Variants in KIAA0319L observed in about 807,000 individuals in gnomAD.
KIAA0319L encodes the protein KIAA0319 like.
A neutral mutation model predicts 120.1 loss-of-function variants in KIAA0319L; 55 were observed. The observed-to-expected ratio is 0.46, with a 90% CI of 0.37 to 0.57. The LOEUF is 0.57. KIAA0319L is among the 20% of genes least tolerant of loss of function. The pLI, the probability that KIAA0319L is intolerant of heterozygous loss-of-function variation, is 0.00. For missense variants in KIAA0319L, 1,049 were observed against 1,255.3 expected (o/e 0.84, Z 2.48); for synonymous variants, 398 against 471.9 (o/e 0.84, Z 2.03).
rs1647193319 is a variant in KIAA0319L, at chr1:35,551,402, C to T, written c.142+2948G>A. ...GTGCGGTCTTGATTCACTGCAACCCCCGCCTCCCGGGTTCAAGCGATTCTC... is the reference window on the plus strand; with the variant it reads ...GTGCGGTCTTGATTCACTGCAACCCTCGCCTCCCGGGTTCAAGCGATTCTC... On this transcript the variant is annotated intron_variant, in intron 2 of 20. Transcript: ENST00000325722. 2.0e-5 allele frequency among the ~76,000 whole-genome samples: 3 copies of T among 152,134 alleles called. No homozygotes were observed. The South Asian group carries it at 6.2e-4, about 32-fold the overall frequency.
At chr1:35,518,823 G>A (rs1215805346) in intron 2 of KIAA0319L, among the ~76,000 whole-genome samples, 1 of 152,020 alleles carries the variant, frequency 6.6e-6, no homozygotes, top group African/African-American at 2.4e-5. Flanking sequence ...AGCCAACATA[G>A]TGAAACCTTG....
intron 2 of KIAA0319L, among the ~76,000 whole-genome samples, chr1:35,513,756 C>T (rs2148422437): frequency 6.6e-6 from 1 of 152,224 alleles, no homozygotes; most frequent in East Asian, 1.9e-4. Flanking sequence ...ATTTGTATTT[C>T]TTAAAAGCAG....
At chr1:35,477,044 C>T (rs1024158957) in intron 4 of KIAA0319L, among the ~76,000 whole-genome samples, 1 of 152,178 alleles carries the variant, frequency 6.6e-6, no homozygotes, top group Admixed American at 6.5e-5. Context: ...TTGAGTAATA[C>T]CCCACAAGGA....
chr1:35,466,721 A>G, intron 6 of KIAA0319L, 26 bp from the exon 7 acceptor site: 1 of 1,448,272 alleles, frequency 6.9e-7, no homozygotes, highest in Non-Finnish European at 9.7e-7. Flanking sequence ...AAGATCTCTT[A>G]GACAATCACA....
At chr1:35,551,844 C>A (rs1647222332) in intron 2 of KIAA0319L, among the ~76,000 whole-genome samples, 1 of 152,130 alleles carries the variant, frequency 6.6e-6, no homozygotes, top group South Asian at 2.1e-4. Context: ...CTAACACCAC[C>A]ACCTTTGCAC....
At position 35,488,356 on chromosome 1, in the gene KIAA0319L, T is replaced by C. The variant is rs1027259261; in HGVS notation, c.667-9144A>G. On this transcript the variant is annotated intron_variant, in intron 3 of 20. Transcript: ENST00000325722. ...GAATCTAATATTTATGGAGCTGTAA[T>C]AGATCTGGGGTTTGGGGAAGAGTCT... 3.3e-5 allele frequency among the ~76,000 whole-genome samples: 5 copies of C among 152,176 alleles called. No homozygotes were observed. In the East Asian group the frequency reaches 9.6e-4, roughly 29 times the overall value.
chr1:35,441,058 G>A lies in KIAA0319L; in HGVS notation c.2951C>T (p.Thr984Ile). 4 of 1,614,126 alleles carry A rather than the reference G, an allele frequency of 2.5e-6. No individual in the cohort carries two copies. The highest frequency in any genetic ancestry group is 3.4e-6 in the Non-Finnish European group (4 of 1,179,968). Residue 984 changes from threonine to isoleucine, a missense_variant, in exon 20 of 21, where the codon ACC becomes ATC. Transcript: ENST00000325722. ...CCCAGGGCCCCTACCTGCTCGGGAG[G>A]TTGGCTTCAGCTCCAGGCTTTCCTG... ...TDQESLELKP[T>I]SRAGIKQKGL...
At chr1:35,507,167 G>GA (rs1645237841) in intron 2 of KIAA0319L, 32 bp from the exon 3 acceptor site, 1 of 1,511,078 alleles carries the variant, frequency 6.6e-7, no homozygotes, top group African/African-American at 1.4e-5. Flanking sequence ...ATTTTCAGAT[G>GA]AAATAAAAAC....
At chr1:35,459,454 G>A (rs529662788) in intron 9 of KIAA0319L, among the ~76,000 whole-genome samples, 6 of 152,036 alleles carry the variant, frequency 3.9e-5, no homozygotes, top group South Asian at 4.2e-4. Flanking sequence ...AAAATTAGCC[G>A]GGCGTGGTGG....
intron 2 of KIAA0319L, among the ~76,000 whole-genome samples, chr1:35,534,715 C>T (rs1019104993): frequency 1.3e-4 from 19 of 151,502 alleles, no homozygotes; most frequent in Non-Finnish European, 7.4e-5. Context: ...AAAAATTAGC[C>T]GGGCGTGGTG....
chr1:35,543,315 G>A (rs1049898751), intron 2 of KIAA0319L, among the ~76,000 whole-genome samples: 4 of 152,190 alleles, frequency 2.6e-5, no homozygotes, highest in Non-Finnish European at 4.4e-5. Context: ...AGTCTGAGGA[G>A]ACTGATTTAG....
chr1:35,545,222 G>T (rs1304151083), intron 2 of KIAA0319L, among the ~76,000 whole-genome samples: 1 of 152,132 alleles, frequency 6.6e-6, no homozygotes, highest in Middle Eastern at 3.2e-3. Flanking sequence ...TGCCCTCTAG[G>T]GGGGCAAGAG....
chr1:35,462,529 G>T, intron 8 of KIAA0319L, 92 bp downstream of exon 8: 1 of 1,061,656 alleles, frequency 9.4e-7, no homozygotes, highest in Non-Finnish European at 1.4e-6. Context: ...ACAGAACGCA[G>T]ACACAGCTGG....
chr1:35,460,207 G>T, intron 9 of KIAA0319L, 98 bp downstream of exon 9: 1 of 995,708 alleles, frequency 1.0e-6, no homozygotes. Flanking sequence ...ACTCCACAGT[G>T]AATTTGATAT....
intron 3 of KIAA0319L, among the ~76,000 whole-genome samples, chr1:35,490,818 G>T (rs1439864667): frequency 6.6e-6 from 1 of 152,194 alleles, no homozygotes; most frequent in Admixed American, 6.5e-5. Flanking sequence ...GGATCATGAA[G>T]GTGGATTTCC....
chr1:35,474,429 T>C (rs1558397529), intron 5 of KIAA0319L, among the ~76,000 whole-genome samples: 2 of 152,244 alleles, frequency 1.3e-5, no homozygotes, highest in Non-Finnish European at 1.5e-5. Context: ...CTGATGCTTA[T>C]TAATATAGAA....
chr1:35,441,649 G>T (rs1438216558), intron 19 of KIAA0319L, among the ~76,000 whole-genome samples: 1 of 152,028 alleles, frequency 6.6e-6, no homozygotes, highest in African/African-American at 2.4e-5. Flanking sequence ...AAAAGGTTAT[G>T]TGTCTTAAAA....
At chr1:35,514,025 T>C (rs999910504) in intron 2 of KIAA0319L, among the ~76,000 whole-genome samples, 1 of 152,256 alleles carries the variant, frequency 6.6e-6, no homozygotes, top group African/African-American at 2.4e-5. Flanking sequence ...TCCAGCCTTT[T>C]AAATTACCTC....
intron 16 of KIAA0319L, 136 bp from the exon 17 acceptor site, chr1:35,444,439 G>A: frequency 1.2e-6 from 1 of 809,682 alleles, no homozygotes; most frequent in Non-Finnish European, 1.8e-6. Flanking sequence ...ACAAGCCAGT[G>A]AGAAAGGTGT....
Sources: gnomAD v4.1 joint callset for allele counts (sites outside exome capture counted in the v4.1 genomes callset) on GRCh38, gnomAD v4.1.1 for gene constraint, MANE v1.5 for transcripts, NCBI Gene and HGNC (gene_info 2026-07-23, HGNC 2026-07-21) for gene names.